ANKIB1: variants seen among roughly 807,000 people sequenced by gnomAD.
ANKIB1 encodes the protein ankyrin repeat and IBR domain-containing protein 1.
ANKIB1 carries 43 observed loss-of-function variants against 122.1 expected under a neutral mutation model. The observed-to-expected ratio is 0.35, with a 90% confidence interval of 0.28 to 0.45. The LOEUF (loss-of-function observed/expected upper bound fraction) is 0.45. Ranked by LOEUF, ANKIB1 falls within the 20% of genes least tolerant of loss-of-function variation. The pLI is 1.00. For missense variants in ANKIB1, 992 were observed against 1,329.5 expected (o/e 0.75, Z 3.95); for synonymous variants, 390 against 442.0 (o/e 0.88, Z 1.48).
chr7:92,290,042 C>G (rs1802214050), intron 1 of ANKIB1, among the ~76,000 whole-genome samples: 1 of 152,226 alleles, frequency 6.6e-6, no homozygotes, highest in Admixed American at 6.5e-5. Context: ...GTCTTGAACT[C>G]CTGGGCTCAA....
chr7:92,248,767 T>G (rs577057686), intron 1 of ANKIB1, among the ~76,000 whole-genome samples: 1 of 152,194 alleles, frequency 6.6e-6, no homozygotes, highest in Non-Finnish European at 1.5e-5. Context: ...GGTTTTTAAT[T>G]TACTTTTCAA....
At chr7:92,257,520 C>A (rs180987912) in intron 1 of ANKIB1, among the ~76,000 whole-genome samples, 1 of 152,222 alleles carries the variant, frequency 6.6e-6, no homozygotes, top group African/African-American at 2.4e-5. Flanking sequence ...TAGCCAGACG[C>A]GGTGGCTCAC....
At chr7:92,396,772 C>T (rs1221689545) in intron 18 of ANKIB1, among the ~76,000 whole-genome samples, 1 of 152,094 alleles carries the variant, frequency 6.6e-6, no homozygotes, top group Admixed American at 6.6e-5. Flanking sequence ...AATAGTGCCA[C>T]CTTATAGGCT....
At chr7:92,338,822 G>T (rs569869317) in intron 5 of ANKIB1, among the ~76,000 whole-genome samples, 76 of 143,582 alleles carry the variant, frequency 5.3e-4, no homozygotes, top group Non-Finnish European at 8.6e-4. Flanking sequence ...TGAGGCAGGA[G>T]AATTGCTTGA....
intron 1 of ANKIB1, among the ~76,000 whole-genome samples, chr7:92,282,740 C>T (rs373262132): frequency 2.7e-4 from 41 of 152,248 alleles, no homozygotes; most frequent in African/African-American, 9.9e-4. Flanking sequence ...TAAAGTATAA[C>T]ACAACATTTT....
intron 5 of ANKIB1, among the ~76,000 whole-genome samples, chr7:92,330,949 G>A (rs1049002797): frequency 3.2e-4 from 48 of 152,122 alleles, no homozygotes; most frequent in African/African-American, 1.1e-3. Flanking sequence ...ACTTTAAATT[G>A]TGTTTCATTA....
rs1341017913 is a variant in ANKIB1, at chr7:92,396,369, A to G, written c.2288A>G (p.Tyr763Cys). 2.6e-6 allele frequency: 4 copies of G among 1,550,634 alleles called. No homozygotes were observed. In the African/African-American group the frequency reaches 4.1e-5, roughly 16 times the overall value. Residue 763 changes from tyrosine (Y) to cysteine (C), a missense_variant, in exon 18 of 20, where the codon TAT becomes TGT. Tyr to Cys is a radical substitution (Grantham distance 194). Transcript: ENST00000265742. ...TATAACCTTTGGTTTATGCAGGAATATGCTGAATTTCAGTATCGGAGGAGG... is the reference window on the plus strand; with the variant it reads ...TATAACCTTTGGTTTATGCAGGAATGTGCTGAATTTCAGTATCGGAGGAGG... ...EYLGFASPEEYAEFQYRRRHR... is the reference protein window; with the variant it reads ...EYLGFASPEECAEFQYRRRHR...
rs778209603 is a variant in ANKIB1 at position 92,362,263 on chromosome 7, A to G, written c.1476A>G (p.Lys492=). 6.3e-7 allele frequency: 1 copy of G among 1,587,592 alleles called. No individual in the cohort carries two copies. Among genetic ancestry groups the G allele is most frequent in the Non-Finnish European group, 8.6e-7 (1 of 1,166,290 alleles). The part of the protein sequence containing the change: ...KNWLQKITEM[K]PEELVGVSEA... ...GGCTGCAAAAAATAACCGAAATGAA[A>G]CCAGAAGAACGTAAGAGGAATTTTA... Residue 492 remains lysine (K), a synonymous_variant, in exon 10 of 20, where the codon AAA becomes AAG. Transcript: ENST00000265742.
At chr7:92,257,693 G>A (rs1346329886) in intron 1 of ANKIB1, among the ~76,000 whole-genome samples, 2 of 152,224 alleles carry the variant, frequency 1.3e-5, no homozygotes, top group African/African-American at 4.8e-5. Context: ...TCGGGAGGCT[G>A]AGGCAGGAGA....
At chr7:92,247,332 T>TA (rs1359050294) in intron 1 of ANKIB1, among the ~76,000 whole-genome samples, 2 of 152,352 alleles carry the variant, frequency 1.3e-5, no homozygotes, top group African/African-American at 4.8e-5. Context: ...AGTATGTGGG[T>TA]ATGTGTAAGG....
At chr7:92,368,766 G>A (rs150991177) in intron 10 of ANKIB1, among the ~76,000 whole-genome samples, 122 of 152,180 alleles carry the variant, frequency 8.0e-4, no homozygotes, top group African/African-American at 2.7e-3. Flanking sequence ...TATAGAATAA[G>A]CATGTTCAGA....
chr7:92,273,663 T>A (rs1801843075), intron 1 of ANKIB1, among the ~76,000 whole-genome samples: 1 of 152,070 alleles, frequency 6.6e-6, no homozygotes, highest in Non-Finnish European at 1.5e-5. Context: ...GGCAGGAGAG[T>A]ATGGCAGGCC....
At chr7:92,269,860 A>G (rs921823340) in intron 1 of ANKIB1, among the ~76,000 whole-genome samples, 2 of 151,786 alleles carry the variant, frequency 1.3e-5, no homozygotes, top group Non-Finnish European at 2.9e-5. Context: ...GGTTTGATAC[A>G]TAGGTATACA....
chr7:92,340,763 TTTAAA>T (rs1393721730), intron 5 of ANKIB1, among the ~76,000 whole-genome samples: 1 of 152,204 alleles, frequency 6.6e-6, no homozygotes, highest in African/African-American at 2.4e-5. Flanking sequence ...AAAAGCCTTC[TTTAAA>T]TTGACAAGAA....
chr7:92,322,407 A>G (rs946050767), intron 4 of ANKIB1, among the ~76,000 whole-genome samples: 1 of 152,144 alleles, frequency 6.6e-6, no homozygotes, highest in Non-Finnish European at 1.5e-5. Context: ...AGAATATTGA[A>G]GTATACCAAA....
In ANKIB1 at chr7:92,397,864, C is replaced by T. The variant is rs1007563024; in HGVS notation, c.2532+5C>T. On this transcript the variant is annotated splice_donor_5th_base_variant and intron_variant, in intron 19 of 19. Transcript: ENST00000265742. ...GAAAACCAGGACTCTCTTCAGGTAGCCTTTCTGAACAGCCTCATTGCCTGT... is the reference window on the plus strand; with the variant it reads ...GAAAACCAGGACTCTCTTCAGGTAGTCTTTCTGAACAGCCTCATTGCCTGT... The T allele has an allele frequency of 5.0e-6, 8 of 1,606,206 alleles. No homozygotes were observed. Among genetic ancestry groups the T allele is most frequent in the Non-Finnish European group, 6.8e-6 (8 of 1,177,934 alleles).
chr7:92,325,233 T>C (rs1803003258), intron 4 of ANKIB1, among the ~76,000 whole-genome samples: 1 of 152,196 alleles, frequency 6.6e-6, no homozygotes, highest in Non-Finnish European at 1.5e-5. Context: ...TCCCCACTCT[T>C]AGTCTATATA....
At chr7:92,339,198 C>A (rs991972401) in intron 5 of ANKIB1, among the ~76,000 whole-genome samples, 12 of 150,414 alleles carry the variant, frequency 8.0e-5, no homozygotes, top group Non-Finnish European at 7.4e-5. Context: ...CCTGCCACCA[C>A]GCCTGGCTAA....
chr7:92,288,057 A>AC (rs1741482697), intron 1 of ANKIB1, among the ~76,000 whole-genome samples: 5 of 143,504 alleles, frequency 3.5e-5, no homozygotes, highest in African/African-American at 1.0e-4. Context: ...AAAAAAAAAA[A>AC]CTGCCACCAT....
Sources: allele counts gnomAD v4.1 joint callset (sites outside exome capture counted in the v4.1 genomes callset), GRCh38; gene constraint gnomAD v4.1.1; transcripts MANE v1.5; gene names NCBI Gene and HGNC (gene_info 2026-07-23, HGNC 2026-07-21).